NAPRT: variants seen among roughly 807,000 people sequenced by gnomAD.
The protein encoded by NAPRT is FHA-HIT-interacting protein.
A neutral mutation model predicts 60.7 loss-of-function variants in NAPRT; 66 were observed. That is an observed-to-expected ratio of 1.09 (90% CI 0.89 to 1.33). The LOEUF (loss-of-function observed/expected upper bound fraction) is 1.33. Ranked by LOEUF, NAPRT falls within the 40% of genes most tolerant of loss-of-function variation. The pLI is 0.00. For missense variants in NAPRT, 818 were observed against 731.5 expected (o/e 1.12, Z -1.36); for synonymous variants, 405 against 335.7 (o/e 1.21, Z -2.26).
rs1354147815 is a variant in NAPRT, at chr8:143,575,078, G to A, written c.1462C>T (p.Pro488Ser). 2.6e-6 allele frequency: 4 copies of A among 1,511,484 alleles called. No homozygotes were observed. The highest frequency in any genetic ancestry group is 3.6e-6 in the Non-Finnish European group (4 of 1,124,796). The allele number at this position is 1,511,484 out of a possible 1,614,324, so 93.6% of individuals were successfully genotyped here. The stretch of plus-strand genomic sequence containing the variant: ...AAGGCTCTAGACTCTGCCAGGGATG[G>A]GAGCGGCTCACACAGCTGCAGGGAG... ...LQQGQLCEPL[P>S]SLAESRALAQ... Residue 488 changes from proline (P) to serine (S), a missense_variant, in exon 12 of 13, where the codon CCA (proline) becomes TCA (serine). By Grantham distance (74) the Pro-to-Ser change is moderately conservative. Coordinates refer to ENST00000449291, the MANE Select transcript of NAPRT (RefSeq NM_145201.6).
At chr8:143,575,789 C>CTGCCCTGGGTGGGGAAGGAGGTGGCAG in intron 8 of NAPRT, 87 bp from the exon 9 acceptor site, 2 of 533,444 alleles carry the variant, frequency 3.7e-6, no homozygotes, top group South Asian at 2.5e-5. Flanking sequence ...GGAGGTGGCA[C>CTGCCCTGGGTGGGGAAGGAGGTGGCAG]TGCCCTGGGT....
chr8:143,575,598 C>T, intron 9 of NAPRT, 24 bp downstream of exon 9: 1 of 1,586,124 alleles, frequency 6.3e-7, no homozygotes, highest in East Asian at 2.3e-5. Flanking sequence ...CTGCCCCCAC[C>T]TGGGCCCCCG....
At position 143,576,134 on chromosome 8, in the gene NAPRT, G is replaced by A; in HGVS notation, c.1051C>T (p.Leu351Phe). The A allele has an allele frequency of 1.9e-6, 3 of 1,604,960 alleles. No homozygotes were observed. Among genetic ancestry groups the A allele is most frequent in the Non-Finnish European group, 1.7e-6 (2 of 1,174,232 alleles). ...TCAATGTTGTTGCTGACTACGATGA[G>A]GACTGACTCCAGCCAGGGCACCTGG... Reference protein sequence around the residue: ...QFQVPWLESVLIVVSNNIDEE... With the variant: ...QFQVPWLESVFIVVSNNIDEE... The change falls in exon 8 of 13, where the codon CTC becomes TTC. Residue 351 changes from leucine to phenylalanine, a missense_variant. Coordinates refer to ENST00000449291, the MANE Select transcript of NAPRT (RefSeq NM_145201.6).
At chr8:143,577,982 C>T in intron 1 of NAPRT, 39 bp from the exon 2 acceptor site, 1 of 1,587,788 alleles carries the variant, frequency 6.3e-7, no homozygotes, top group Non-Finnish European at 8.6e-7. Flanking sequence ...AGCGCGGGGA[C>T]AGACCGGTCG....
chr8:143,577,402 G>A lies in NAPRT; in HGVS notation c.438-3C>T, dbSNP rs1398144555. ...GCGCTGCGTTGGTGGCCACCAGGCTGTGGGGAGCCAAGAGTCAGGGGGTCC... is the reference window on the plus strand; with the variant it reads ...GCGCTGCGTTGGTGGCCACCAGGCTATGGGGAGCCAAGAGTCAGGGGGTCC... On this transcript the variant is annotated splice_polypyrimidine_tract_variant and splice_region_variant and intron_variant, in intron 3 of 12. Coordinates refer to ENST00000449291, the MANE Select transcript of NAPRT (RefSeq NM_145201.6). The A allele has an allele frequency of 1.2e-6, 2 of 1,605,578 alleles. No individual in the cohort carries two copies. Among genetic ancestry groups the A allele is most frequent in the Middle Eastern group, 1.8e-4 (1 of 5,484 alleles).
At chr8:143,577,220 T>A (rs778821817) in intron 4 of NAPRT, 43 bp from the exon 5 acceptor site, 13 of 1,604,976 alleles carry the variant, frequency 8.1e-6, no homozygotes, top group African/African-American at 1.3e-5. Context: ...CGGGCCAAGA[T>A]GGGGCTCCTC....
rs200867887 is a variant in NAPRT at position 143,576,853 on chromosome 8, G to C, written c.685-11C>G. 1.1e-5 allele frequency: 18 copies of C among 1,589,012 alleles called. No individual in the cohort carries two copies. The African/African-American group carries it at 1.7e-4, about 15-fold the overall frequency. On this transcript the variant is annotated splice_polypyrimidine_tract_variant and intron_variant, in intron 5 of 12. Coordinates refer to ENST00000449291, the MANE Select transcript of NAPRT (RefSeq NM_145201.6). The stretch of plus-strand genomic sequence containing the variant: ...TGCTGGCGCCAACATCTGTGGAACA[G>C]AGTCGGTGAAGAATGGGGGCCAGGA...
downstream of NAPRT, chr8:143,573,007 G>A (rs1022691857): frequency 6.8e-6 from 3 of 440,034 alleles, no homozygotes; most frequent in African/African-American, 2.0e-5. Context: ...ACGAAGAAAG[G>A]GGGAGAAGGG....
intron 3 of NAPRT, 98 bp downstream of exon 3, chr8:143,577,559 C>T: frequency 6.8e-7 from 1 of 1,481,106 alleles, no homozygotes; most frequent in African/African-American, 1.4e-5. Context: ...GTCCTGGGAC[C>T]CCTGGGCAGC....
In NAPRT at chr8:143,574,995, T is replaced by C. The variant is rs1824324999; in HGVS notation, c.1545A>G (p.Ala515=). ...SPEHRRLRSP[A]QYQVVLSERL... is the part of the protein sequence containing the mutation. The stretch of plus-strand genomic sequence containing the variant: ...TGGGCCTCCCCCCAACCTGGTACTG[T>C]GCAGGGCTCCGCAGCCGCCTGTGCT... Residue 515 remains alanine (A), a synonymous_variant, in exon 12 of 13, where the codon GCA becomes GCG. Transcript: ENST00000449291. 2 of 1,534,224 alleles carry C rather than the reference T, an allele frequency of 1.3e-6. No individual in the cohort carries two copies. Among genetic ancestry groups the C allele is most frequent in the East Asian group, 4.9e-5 (2 of 40,690 alleles).
chr8:143,577,419 A>C lies in NAPRT; in HGVS notation c.438-20T>G. On this transcript the variant is annotated intron_variant, in intron 3 of 12. Transcript: ENST00000449291. ...ACCAGGCTGTGGGGAGCCAAGAGTC[A>C]GGGGGTCCCAGGGTGAGGATCACTA... 1 of 1,595,182 alleles carries C rather than the reference A, an allele frequency of 6.3e-7. No individual in the cohort carries two copies. The highest frequency in any genetic ancestry group is 8.5e-7 in the Non-Finnish European group (1 of 1,170,502).
In NAPRT at chr8:143,578,183, G is replaced by T. The variant is rs1824655722; in HGVS notation, c.136C>A (p.Arg46Ser). 5 of 1,515,590 alleles carry T rather than the reference G, an allele frequency of 3.3e-6. No individual in the cohort carries two copies. Among genetic ancestry groups the T allele is most frequent in the Non-Finnish European group, 3.5e-6 (4 of 1,136,954 alleles). The allele number at this position is 1,515,590 out of a possible 1,614,324, so 93.9% of individuals were successfully genotyped here. A position where few individuals can be genotyped will look rare whatever the true frequency, so the allele number is the denominator to read the frequency against. ...AAGGCGCCGCCGAACGGGCAGCGGCGGAAGAAGAGCTCGAACTCGGCGGCG... is the reference window on the plus strand; with the variant it reads ...AAGGCGCCGCCGAACGGGCAGCGGCTGAAGAAGAGCTCGAACTCGGCGGCG... ...RDAAEFELFFRRCPFGGAFAL... is the reference protein window; with the variant it reads ...RDAAEFELFFSRCPFGGAFAL... Residue 46 changes from arginine to serine, a missense_variant, in exon 1 of 13, where the codon CGC (arginine) becomes AGC (serine). By Grantham distance (110) the Arg-to-Ser change is moderately radical. Transcript: ENST00000449291.
chr8:143,574,826 C>T lies in NAPRT; in HGVS notation c.*12G>A. ...TGATTCGTGTTGTTTCCAGTCAGCC[C>T]CGCTCCGAGTCTCAGGGGGACTGCC... is the stretch of plus-strand genomic sequence containing the variant. On this transcript the variant is annotated 3_prime_UTR_variant, in exon 13 of 13. Transcript: ENST00000449291. 1 of 1,550,724 alleles carries T rather than the reference C, an allele frequency of 6.4e-7. No individual in the cohort carries two copies. Among genetic ancestry groups the T allele is most frequent in the Non-Finnish European group, 8.7e-7 (1 of 1,146,998 alleles).
In NAPRT at chr8:143,576,157, TG is replaced by T; in HGVS notation, c.1027del (p.Gln343ArgfsTer11). 6.3e-7 allele frequency: 1 copy of T among 1,596,718 alleles called. No individual in the cohort carries two copies. Among genetic ancestry groups the T allele is most frequent in the Non-Finnish European group, 8.6e-7 (1 of 1,169,436 alleles). ...KVFRAAAAQF[Q>X]VPWLESVLIV... The stretch of plus-strand genomic sequence containing the variant: ...GAGGACTGACTCCAGCCAGGGCACC[TG>T]GAACCTGCCGCGTGGGTGGAGAAAG... On this transcript the variant is annotated frameshift_variant, in exon 8 of 13. Transcript: ENST00000449291. LOFTEE classifies it high-confidence loss of function.
intron 1 of NAPRT, 61 bp downstream of exon 1, chr8:143,578,032 C>T: frequency 1.3e-6 from 2 of 1,523,422 alleles, no homozygotes; most frequent in Non-Finnish European, 1.8e-6. Flanking sequence ...AGGACTTCCA[C>T]CGGCCATAGG....
In NAPRT at chr8:143,578,137, C is replaced by T. The variant is rs1300723866; in HGVS notation, c.182G>A (p.Arg61His). 1 of 1,522,192 alleles carries T rather than the reference C, an allele frequency of 6.6e-7. No homozygotes were observed. The highest frequency in any genetic ancestry group is 2.6e-5 in the East Asian group (1 of 39,134). The allele number at this position is 1,522,192 out of a possible 1,614,324, so 94.3% of individuals were successfully genotyped here. Reference protein sequence around the residue: ...GGAFALAAGLRDCVRFLRAFR... With the variant: ...GGAFALAAGLHDCVRFLRAFR... Reference sequence around the variant, plus strand: ...GGCGCGCAGGAAGCGCACACAGTCGCGCAAGCCGGCGGCCAAGGCGAAGGC... The same window carrying T: ...GGCGCGCAGGAAGCGCACACAGTCGTGCAAGCCGGCGGCCAAGGCGAAGGC... The change falls in exon 1 of 13, where the codon CGC becomes CAC. Residue 61 changes from arginine to histidine, a missense_variant. Arg to His is a conservative substitution (Grantham distance 29). Coordinates refer to ENST00000449291, the MANE Select transcript of NAPRT (RefSeq NM_145201.6).
downstream of NAPRT, chr8:143,573,064 G>A: frequency 3.1e-6 from 1 of 320,624 alleles, no homozygotes; most frequent in Non-Finnish European, 5.8e-6. Flanking sequence ...GCTCAGGGCA[G>A]TTGTGGACAG....
intron 4 of NAPRT, 32 bp downstream of exon 4, chr8:143,577,237 G>A (rs770296912): frequency 1.3e-5 from 21 of 1,605,418 alleles, no homozygotes; most frequent in Non-Finnish European, 1.6e-5. Context: ...CCTCCTTCCC[G>A]GCCCTTGCCT....
Position 143,577,092 on chromosome 8 carries a change from G to A in NAPRT, c.654C>T (p.Ser218=), listed in dbSNP as rs143522821. ...AGTLAHSFVT[S]FSGSEVPPDP... ...CAGGGGGCACCTCGCTGCCTGAAAAGGAAGTGACGAAGGAGTGGGCCAGGG... is the reference window on the plus strand; with the variant it reads ...CAGGGGGCACCTCGCTGCCTGAAAAAGAAGTGACGAAGGAGTGGGCCAGGG... Residue 218 remains serine, a synonymous_variant, in exon 5 of 13, where the codon TCC becomes TCT. Transcript: ENST00000449291. The A allele has an allele frequency of 3.7e-6, 6 of 1,612,948 alleles. No homozygotes were observed. The African/African-American group carries it at 8.0e-5, about 22-fold the overall frequency.
Sources: gnomAD v4.1 joint callset for allele counts on GRCh38, gnomAD v4.1.1 for gene constraint, MANE v1.5 for transcripts, NCBI Gene and HGNC (gene_info 2026-07-23, HGNC 2026-07-21) for gene names.